DYM: variants seen among roughly 807,000 people sequenced by gnomAD.
The protein encoded by DYM is dymeclin, also known as dyggve-Melchior-Clausen syndrome protein.
DYM carries 78 observed loss-of-function variants against 93.1 expected under a neutral mutation model. The observed-to-expected ratio is 0.84, with a 90% confidence interval of 0.70 to 1.01. The LOEUF is 1.01. DYM is among the 50% of genes least tolerant of loss of function. DYM has a pLI of 0.00. For synonymous variants in DYM, 321 were observed against 319.7 expected, an observed-to-expected ratio of 1.00 and a Z score of -0.04; for missense variants, 789 against 845.0, an observed-to-expected ratio of 0.93 and a Z score of 0.82.
At chr18:49,318,797 C>CTTTTTTTT (rs932617888) in intron 8 of DYM, among the ~76,000 whole-genome samples, 68 of 114,360 alleles carry the variant, frequency 5.9e-4, no homozygotes, top group African/African-American at 1.8e-3. Flanking sequence ...ATTTCTTTTT[C>CTTTTTTTT]TTTTTTTTTT....
At chr18:49,280,545 G>C (rs1042164976) in intron 10 of DYM, among the ~76,000 whole-genome samples, 1 of 152,174 alleles carries the variant, frequency 6.6e-6, no homozygotes, top group Non-Finnish European at 1.5e-5. Context: ...TGGAAGACCT[G>C]AACAGGCTGA....
intron 17 of DYM, chr18:49,049,591 T>C (rs1163444208): frequency 6.6e-6 from 1 of 152,502 alleles, no homozygotes; most frequent in East Asian, 1.9e-4. Context: ...GGGCTTGGTA[T>C]AGTACCCACC....
intron 13 of DYM, among the ~76,000 whole-genome samples, chr18:49,250,342 C>T (rs2094258208): frequency 1.3e-5 from 2 of 152,252 alleles, no homozygotes; most frequent in Non-Finnish European, 2.9e-5. Context: ...TAAGTACCTA[C>T]ACTGGACAGG....
At position 49,216,751 on chromosome 18, in the gene DYM, T is replaced by A. The variant is rs548628626; in HGVS notation, c.1461-7036A>T. On this transcript the variant is annotated intron_variant, in intron 13 of 17. Coordinates refer to ENST00000675505, the MANE Select transcript of DYM (RefSeq NM_001353214.3). ...AGGACATCCACACCAAAAACCCATC[T>A]GTACATCACCATCATCAAAGACCAA... Among the ~76,000 whole-genome samples the A allele has an allele frequency of 3.9e-3, 588 of 152,270 alleles. 1 individual carries two copies. Among genetic ancestry groups the A allele is most frequent in the African/African-American group, 0.013 (550 of 41,542 alleles).
Position 49,043,921 on chromosome 18 carries a change from GAA to G in DYM, c.*132_*133del, listed in dbSNP as rs1389887944. ...AATTCTCCAAATCAAAGTGTGTGAG[GAA>G]AACACACTCGTGCAATCCTCTTTAA... On this transcript the variant is annotated 3_prime_UTR_variant, in exon 18 of 18. Transcript: ENST00000675505. 1 of 1,087,818 alleles carries G rather than the reference GAA, an allele frequency of 9.2e-7. No homozygotes were observed. The highest frequency in any genetic ancestry group is 1.6e-5 in the African/African-American group (1 of 63,522). The allele number at this position is 1,087,818 out of a possible 1,614,324, so 67.4% of individuals were successfully genotyped here.
intron 17 of DYM, among the ~76,000 whole-genome samples, chr18:49,083,838 C>T (rs73439698): frequency 0.035 from 5,393 of 152,106 alleles, 312 homozygotes; most frequent in African/African-American, 0.12. Context: ...GGGTCAATAA[C>T]GGTGCTCTTT....
chr18:49,395,629 A>T (rs968967060), intron 2 of DYM, among the ~76,000 whole-genome samples: 1 of 144,104 alleles, frequency 6.9e-6, no homozygotes, highest in African/African-American at 2.5e-5. Flanking sequence ...AACTCTGTCT[A>T]AAAAAAAAAA....
Position 49,147,185 on chromosome 18 carries a change from A to G in DYM, c.1728+16500T>C, listed in dbSNP as rs1380032680. 6.7e-3 allele frequency among the ~76,000 whole-genome samples: 1,025 copies of G among 152,068 alleles called. 17 individuals are homozygous for G. Among genetic ancestry groups the G allele is most frequent in the African/African-American group, 0.024 (979 of 41,402 alleles). ...TGGATCTCTTCCTTACACCTTACAC[A>G]AAAATTAATTCAAGATGGATTAAAG... On this transcript the variant is annotated intron_variant, in intron 15 of 17. Coordinates refer to ENST00000675505, the MANE Select transcript of DYM (RefSeq NM_001353214.3).
At chr18:49,388,523 A>G (rs1454193495) in intron 3 of DYM, among the ~76,000 whole-genome samples, 1 of 152,062 alleles carries the variant, frequency 6.6e-6, no homozygotes, top group South Asian at 2.1e-4. Context: ...GAGGAGAGAC[A>G]GAATAGAACA....
chr18:49,418,251 C>A (rs888955602), intron 2 of DYM, among the ~76,000 whole-genome samples: 16 of 151,858 alleles, frequency 1.1e-4, no homozygotes, highest in African/African-American at 3.6e-4. Flanking sequence ...GCCTCAGATG[C>A]CTATGAACCA....
chr18:49,247,936 C>T (rs1246754632), intron 13 of DYM, among the ~76,000 whole-genome samples: 2 of 152,184 alleles, frequency 1.3e-5, no homozygotes, highest in African/African-American at 4.8e-5. Context: ...GTACCACTGG[C>T]TGTAGGAAAT....
intron 8 of DYM, among the ~76,000 whole-genome samples, chr18:49,304,665 A>T (rs2061164148): frequency 6.6e-6 from 1 of 152,054 alleles, no homozygotes; most frequent in South Asian, 2.1e-4. Flanking sequence ...CTCCTCAAAC[A>T]TCCCAGCTAC....
intron 17 of DYM, among the ~76,000 whole-genome samples, chr18:49,051,687 A>G (rs1393540762): frequency 6.6e-6 from 1 of 152,226 alleles, no homozygotes; most frequent in Non-Finnish European, 1.5e-5. Context: ...TGCTGAAAAC[A>G]AAGACAAGCT....
intron 15 of DYM, among the ~76,000 whole-genome samples, chr18:49,123,467 G>C (rs2082551309): frequency 6.6e-6 from 1 of 152,100 alleles, no homozygotes; most frequent in African/African-American, 2.4e-5. Context: ...GTTATTATTA[G>C]CACATTCATT....
chr18:49,373,407 C>A (rs2067221561), intron 5 of DYM, among the ~76,000 whole-genome samples: 1 of 152,018 alleles, frequency 6.6e-6, no homozygotes, highest in African/African-American at 2.4e-5. Context: ...CCTTTTTAGA[C>A]CATATAGGGT....
At chr18:49,193,504 G>A (rs1288469257) in intron 14 of DYM, among the ~76,000 whole-genome samples, 1 of 152,166 alleles carries the variant, frequency 6.6e-6, no homozygotes, top group Non-Finnish European at 1.5e-5. Context: ...ATGGAAAAAT[G>A]CCAAAGTCAC....
intron 17 of DYM, among the ~76,000 whole-genome samples, chr18:49,080,481 C>T (rs1265906950): frequency 1.4e-5 from 2 of 143,812 alleles, no homozygotes; most frequent in African/African-American, 2.6e-5. Flanking sequence ...CGCCCCTCAC[C>T]TCCCGGACGG....
intron 17 of DYM, among the ~76,000 whole-genome samples, chr18:49,078,084 CT>C (rs940371425): frequency 6.6e-6 from 1 of 151,920 alleles, no homozygotes; most frequent in South Asian, 2.1e-4. Context: ...TTTCTGTTGG[CT>C]TTTGAGCTAT....
In DYM at chr18:49,120,383, G is replaced by A. The variant is rs910304161; in HGVS notation, c.1729-1457C>T. Among the ~76,000 whole-genome samples, 7 of 152,122 alleles carry A rather than the reference G, an allele frequency of 4.6e-5. No individual in the cohort carries two copies. In the East Asian group the frequency reaches 1.2e-3, roughly 25 times the overall value. On this transcript the variant is annotated intron_variant, in intron 15 of 17. Coordinates refer to ENST00000675505, the MANE Select transcript of DYM (RefSeq NM_001353214.3). ...GGTTGAAAGTAAAAGGATGGAAAAA[G>A]ATACCTACACAAACGTAAGTCAAAA...
Sources: allele counts gnomAD v4.1 joint callset (sites outside exome capture counted in the v4.1 genomes callset), GRCh38; gene constraint gnomAD v4.1.1; transcripts MANE v1.5; gene names NCBI Gene and HGNC (gene_info 2026-07-23, HGNC 2026-07-21).